Variants in CST4 observed in about 807,000 individuals in gnomAD.
The protein encoded by CST4 is cystatin S.
A neutral mutation model predicts 11.2 loss-of-function variants in CST4; 17 were observed. The ratio of observed to expected loss-of-function variants is 1.52; its 90% CI spans 1.04 to 2.27. The LOEUF is 2.27. Ranked by LOEUF, CST4 falls within the 30% of genes most tolerant of loss-of-function variation. The pLI, the probability that CST4 is intolerant of heterozygous loss-of-function variation, is 0.00. For synonymous variants in CST4, 93 were observed against 70.1 expected (o/e 1.33, Z -1.63); for missense variants, 251 against 180.2 (o/e 1.39, Z -2.25).
In CST4 at chr20:23,689,034, G is replaced by A; in HGVS notation, c.-65C>T. ...AGAGGAGGGTGAGAGCCCGAGGCAGGGAGCCCAGACCAGCAGGCAGGTGTG... is the reference window on the plus strand; with the variant it reads ...AGAGGAGGGTGAGAGCCCGAGGCAGAGAGCCCAGACCAGCAGGCAGGTGTG... On this transcript the variant is annotated 5_prime_UTR_variant, in exon 1 of 3. Coordinates refer to ENST00000217423, the MANE Select transcript of CST4 (RefSeq NM_001899.3). 2 of 1,502,752 alleles carry A rather than the reference G, an allele frequency of 1.3e-6. No homozygotes were observed. Among genetic ancestry groups the A allele is most frequent in the Non-Finnish European group, 1.8e-6 (2 of 1,093,358 alleles). The allele number at this position is 1,502,752 out of a possible 1,614,324, so 93.1% of individuals were successfully genotyped here. A position where few individuals can be genotyped will look rare whatever the true frequency, so the allele number is the denominator to read the frequency against.
Position 23,688,907 on chromosome 20 carries a change from C to G in CST4, c.63G>C (p.Ser21=), listed in dbSNP as rs377654803. 2 of 1,614,138 alleles carry G rather than the reference C, an allele frequency of 1.2e-6. No individual in the cohort carries two copies. The highest frequency in any genetic ancestry group is 1.7e-5 in the Admixed American group (1 of 60,028). Residue 21 remains serine (S), a synonymous_variant, in exon 1 of 3, where the codon TCG becomes TCC. Transcript: ENST00000217423. ...LMATLAGALA[S]SSKEENRIIP... is the part of the protein sequence containing the mutation. ...TTATCCTATTCTCCTCCTTGGAGCT[C>G]GAGGCCAGAGCCCCAGCCAGGGTAG... is the stretch of plus-strand genomic sequence containing the variant.
intron 2 of CST4, among the ~76,000 whole-genome samples, 161 bp downstream of exon 2, chr20:23,686,926 AC>A (rs543681394): frequency 1.1e-3 from 167 of 151,114 alleles, no homozygotes; most frequent in East Asian, 1.8e-3. Flanking sequence ...CTACATGCAC[AC>A]CCCCCCATAA....
chr20:23,688,283 AC>A (rs1981110925), intron 1 of CST4, among the ~76,000 whole-genome samples: 2 of 152,218 alleles, frequency 1.3e-5, no homozygotes, highest in African/African-American at 4.8e-5. Flanking sequence ...GGTGAAGGCC[AC>A]TAGCCCTAAG....
intron 2 of CST4, among the ~76,000 whole-genome samples, chr20:23,686,357 C>A (rs1981040794): frequency 6.6e-6 from 1 of 152,150 alleles, no homozygotes; most frequent in Non-Finnish European, 1.5e-5. Flanking sequence ...GAGGGAAGAA[C>A]CCAGGGCAGG....
rs796075074 is a variant in CST4 at position 23,688,063 on chromosome 20, C to T, written c.228+679G>A. ...CTAAAGGCTGTGTCACTATTTGCTG[C>T]TCTGCCATGGGATGCAGGTCAAGCT... On this transcript the variant is annotated intron_variant, in intron 1 of 2. Coordinates refer to ENST00000217423, the MANE Select transcript of CST4 (RefSeq NM_001899.3). 3.3e-5 allele frequency among the ~76,000 whole-genome samples: 5 copies of T among 152,330 alleles called. No homozygotes were observed. The East Asian group carries it at 7.7e-4, about 24-fold the overall frequency.
In CST4 at chr20:23,688,786, C is replaced by T. The variant is rs1981129867; in HGVS notation, c.184G>A (p.Glu62Lys). ...ACCTGCAGCGGGCGTCTGTAGTACT[C>T]ATCTTCGGTGGCCTTGTTGTACTCG... ...ISEYNKATED[E>K]YYRRPLQVLR... is the part of the protein sequence containing the mutation. The change falls in exon 1 of 3, where the codon GAG becomes AAG. Residue 62 changes from glutamate to lysine, a missense_variant. Physicochemically the swap from Glu to Lys is moderately conservative, Grantham distance 56. Transcript: ENST00000217423. 12 of 1,614,178 alleles carry T rather than the reference C, an allele frequency of 7.4e-6. No homozygotes were observed. The highest frequency in any genetic ancestry group is 8.5e-6 in the Non-Finnish European group (10 of 1,180,026).
chr20:23,688,331 AG>A (rs1397525130), intron 1 of CST4, among the ~76,000 whole-genome samples: 5 of 152,216 alleles, frequency 3.3e-5, no homozygotes, highest in African/African-American at 1.2e-4. Context: ...GGAAGGAAGA[AG>A]GGCTCTGCAG....
chr20:23,688,929 G>A lies in CST4; in HGVS notation c.41C>T (p.Thr14Ile), dbSNP rs770415022. 1 of 1,614,154 alleles carries A rather than the reference G, an allele frequency of 6.2e-7. No homozygotes were observed. Among genetic ancestry groups the A allele is most frequent in the Non-Finnish European group, 8.5e-7 (1 of 1,180,020 alleles). The change falls in exon 1 of 3, where the codon ACC becomes ATC. Residue 14 changes from threonine to isoleucine, a missense_variant. By Grantham distance (89) the Thr-to-Ile change is moderately conservative (BLOSUM62 -1). Coordinates refer to ENST00000217423, the MANE Select transcript of CST4 (RefSeq NM_001899.3). ...GCTCGAGGCCAGAGCCCCAGCCAGG[G>A]TAGCCATCAGGAGTAGCAGGGTACA... ...PLCTLLLLMA[T>I]LAGALASSSK... is the part of the protein sequence containing the mutation.
intron 2 of CST4, among the ~76,000 whole-genome samples, chr20:23,686,780 C>T (rs1393318389): frequency 6.6e-6 from 1 of 152,026 alleles, no homozygotes; most frequent in Non-Finnish European, 1.5e-5. Flanking sequence ...TCACTTGGAC[C>T]CCTCATCCCC....
chr20:23,685,940 C>T lies in CST4; in HGVS notation c.380G>A (p.Trp127Ter). 6.2e-7 allele frequency: 1 copy of T among 1,614,104 alleles called. No individual in the cohort carries two copies. The change falls in exon 3 of 3, where the codon TGG (tryptophan) becomes TAG (stop). Residue 127 changes from tryptophan to a stop codon, truncating the protein, a stop_gained. Coordinates refer to ENST00000217423, the MANE Select transcript of CST4 (RefSeq NM_001899.3). LOFTEE classifies it low-confidence loss of function (END_TRUNC). ...ATTCACCAGGGACATTCTGTCCTCC[C>T]AGGGAACTTCGTAGATCTCGAAAGA... is the stretch of plus-strand genomic sequence containing the variant. ...LCSFEIYEVP[W>*]EDRMSLVNSR...
chr20:23,688,897 C>G lies in CST4; in HGVS notation c.73G>C (p.Glu25Gln). The change falls in exon 1 of 3, where the codon GAG becomes CAG. Residue 25 changes from glutamate (E) to glutamine (Q), a missense_variant. Coordinates refer to ENST00000217423, the MANE Select transcript of CST4 (RefSeq NM_001899.3). ...CCACCTGGGATTATCCTATTCTCCT[C>G]CTTGGAGCTCGAGGCCAGAGCCCCA... is the stretch of plus-strand genomic sequence containing the variant. Reference protein sequence around the residue: ...LAGALASSSKEENRIIPGGIY... With the variant: ...LAGALASSSKQENRIIPGGIY... The G allele has an allele frequency of 6.2e-7, 1 of 1,614,162 alleles. No individual in the cohort carries two copies. Among genetic ancestry groups the G allele is most frequent in the Non-Finnish European group, 8.5e-7 (1 of 1,180,014 alleles).
intron 2 of CST4, among the ~76,000 whole-genome samples, chr20:23,686,320 C>T (rs1359039478): frequency 5.3e-5 from 8 of 152,152 alleles, no homozygotes; most frequent in African/African-American, 1.7e-4. Flanking sequence ...CCACCTCCAG[C>T]ACCCAGGCCA....
chr20:23,686,386 G>A (rs1211847765), intron 2 of CST4, among the ~76,000 whole-genome samples: 1 of 152,146 alleles, frequency 6.6e-6, no homozygotes, highest in Admixed American at 6.5e-5. Flanking sequence ...CCCTCAAAGA[G>A]CTGGGGCATG....
chr20:23,686,080 G>A, intron 2 of CST4, 103 bp from the exon 3 acceptor site: 1 of 1,230,938 alleles, frequency 8.1e-7, no homozygotes, highest in Non-Finnish European at 1.2e-6. Context: ...ATGGAGGTGA[G>A]ACACTGCACC....
At chr20:23,687,389 A>C (rs1490230017) in intron 1 of CST4, among the ~76,000 whole-genome samples, 188 bp from the exon 2 acceptor site, 4 of 152,162 alleles carry the variant, frequency 2.6e-5, no homozygotes, top group African/African-American at 9.7e-5. Flanking sequence ...GCCCGCTCTT[A>C]AACATCGTTT....
At chr20:23,688,241 C>T (rs1981109788) in intron 1 of CST4, among the ~76,000 whole-genome samples, 1 of 152,238 alleles carries the variant, frequency 6.6e-6, no homozygotes, top group Non-Finnish European at 1.5e-5. Flanking sequence ...CTCAGCCATC[C>T]TGGCCTGCAG....
intron 1 of CST4, among the ~76,000 whole-genome samples, 154 bp from the exon 2 acceptor site, chr20:23,687,355 A>G (rs1981082543): frequency 6.6e-6 from 1 of 152,186 alleles, no homozygotes; most frequent in African/African-American, 2.4e-5. Context: ...TCTTCCTGTC[A>G]GCTGGCAGGG....
Position 23,688,222 on chromosome 20 carries a change from C to T in CST4, c.228+520G>A, listed in dbSNP as rs550082278. 2.1e-3 allele frequency among the ~76,000 whole-genome samples: 321 copies of T among 152,354 alleles called. 1 individual carries two copies. The highest frequency in any genetic ancestry group is 0.014 in the Middle Eastern group (4 of 294). On this transcript the variant is annotated intron_variant, in intron 1 of 2. Transcript: ENST00000217423. Reference sequence around the variant, plus strand: ...AGGCAGGGCCAGGCGTGCTCCACCCCAGCAGGGACTCAGCCATCCTGGCCT... The same window carrying T: ...AGGCAGGGCCAGGCGTGCTCCACCCTAGCAGGGACTCAGCCATCCTGGCCT...
In CST4 at chr20:23,688,773, C is replaced by T. The variant is rs571931083; in HGVS notation, c.197G>A (p.Arg66His). 4.5e-5 allele frequency: 72 copies of T among 1,614,116 alleles called. 1 individual carries two copies. In the South Asian group the frequency reaches 7.4e-4, roughly 16 times the overall value. Residue 66 changes from arginine to histidine, a missense_variant, in exon 1 of 3, where the codon CGC becomes CAC. Physicochemically the swap from Arg to His is conservative, Grantham distance 29. Coordinates refer to ENST00000217423, the MANE Select transcript of CST4 (RefSeq NM_001899.3). ...NKATEDEYYR[R>H]PLQVLRAREQ... The stretch of plus-strand genomic sequence containing the variant: ...CCTGGCTCGCAGCACCTGCAGCGGG[C>T]GTCTGTAGTACTCATCTTCGGTGGC...
Sources: gnomAD v4.1 joint callset for allele counts (sites outside exome capture counted in the v4.1 genomes callset) on GRCh38, gnomAD v4.1.1 for gene constraint, MANE v1.5 for transcripts, NCBI Gene and HGNC (gene_info 2026-07-23, HGNC 2026-07-21) for gene names.